The following ATL1 variants were observed in gnomAD, a reference collection of about 807,000 sequenced individuals.
ATL1 encodes atlastin GTPase 1.
Under a neutral mutation model 75.5 loss-of-function variants are expected in ATL1, and 31 were observed. The ratio of observed to expected loss-of-function variants is 0.41; its 90% CI spans 0.31 to 0.55. The LOEUF is 0.55. Among genes scored for constraint, ATL1 ranks in the 20% least tolerant of loss-of-function variants. ATL1 has a pLI of 0.27. For synonymous variants in ATL1, 226 were observed against 233.3 expected, an observed-to-expected ratio of 0.97 and a Z score of 0.28; for missense variants, 405 against 662.6, an observed-to-expected ratio of 0.61 and a Z score of 4.27.
Position 50,560,285 on chromosome 14 carries a change from A to G in ATL1, c.20A>G (p.Asp7Gly), listed in dbSNP as rs759476841. Reference sequence around the variant, plus strand: ...ACCACCATGGCCAAGAACCGCAGGGACAGAAACAGTTGGGGTGAGTAGCAA... The same window carrying G: ...ACCACCATGGCCAAGAACCGCAGGGGCAGAAACAGTTGGGGTGAGTAGCAA... MAKNRR[D>G]RNSWGGFSEK... Residue 7 changes from aspartate to glycine, a missense_variant, in exon 1 of 14, where the codon GAC (aspartate) becomes GGC (glycine). Asp to Gly is a moderately conservative substitution (Grantham distance 94, BLOSUM62 -1). This residue lies in a region of ATL1 where 126 missense variants were observed against 172.0 expected (regional missense o/e 0.73). Transcript: ENST00000358385. 10 of 1,614,042 alleles carry G rather than the reference A, an allele frequency of 6.2e-6. 1 individual carries two copies. In the South Asian group the frequency reaches 9.9e-5, roughly 16 times the overall value.
At chr14:50,555,131 T>G (rs1336383657) in intron 1 of ATL1, among the ~76,000 whole-genome samples, 1 of 152,238 alleles carries the variant, frequency 6.6e-6, no homozygotes, top group Non-Finnish European at 1.5e-5. Flanking sequence ...TATATTCACT[T>G]CTTCCCTTTT....
At chr14:50,618,929 C>T (rs2039440333) in intron 8 of ATL1, among the ~76,000 whole-genome samples, 1 of 151,786 alleles carries the variant, frequency 6.6e-6, no homozygotes, top group Admixed American at 6.6e-5. Flanking sequence ...CTTGCTCTGT[C>T]GCACAGGCTG....
intron 1 of ATL1, among the ~76,000 whole-genome samples, chr14:50,572,374 C>T (rs761421579): frequency 6.6e-6 from 1 of 152,036 alleles, no homozygotes; most frequent in Non-Finnish European, 1.5e-5. Flanking sequence ...ACTGTTCATT[C>T]AATTTCTGTT....
In ATL1 at chr14:50,620,610, G is replaced by C. The variant is rs1360619786; in HGVS notation, c.874G>C (p.Glu292Gln). ...GCTTTTACTTGTAGAAATAGATGAT[G>C]AATTCATCAAAAACTTGAAAATACT... is the stretch of plus-strand genomic sequence containing the variant. ...FDGKLKEIDD[E>Q]FIKNLKILIP... Residue 292 changes from glutamate (E) to glutamine (Q), a missense_variant, in exon 9 of 14, where the codon GAA becomes CAA. By Grantham distance (29) the Glu-to-Gln change is conservative. Transcript: ENST00000358385. The C allele has an allele frequency of 6.2e-7, 1 of 1,612,782 alleles. No individual in the cohort carries two copies. The highest frequency in any genetic ancestry group is 8.5e-7 in the Non-Finnish European group (1 of 1,179,126).
At chr14:50,559,067 T>A (rs111836604), upstream of ATL1, 45 of 152,356 alleles carry the variant, frequency 3.0e-4, 2 homozygotes, top group Admixed American at 2.4e-3. Flanking sequence ...TCTGGTATAA[T>A]GTCCTCTCTT....
At chr14:50,574,627 C>T (rs1488298726) in intron 1 of ATL1, among the ~76,000 whole-genome samples, 1 of 151,990 alleles carries the variant, frequency 6.6e-6, no homozygotes, top group Non-Finnish European at 1.5e-5. Context: ...TTTTTCTTAG[C>T]GGGAATTGTG....
chr14:50,535,822 C>A (rs1272767790), intron 1 of ATL1, among the ~76,000 whole-genome samples: 1 of 152,196 alleles, frequency 6.6e-6, no homozygotes, highest in Admixed American at 6.5e-5. Flanking sequence ...TCTGTGTCCC[C>A]ACCCAAATCT....
chr14:50,629,583 C>CAAA (rs1179543983), intron 12 of ATL1, among the ~76,000 whole-genome samples: 5 of 112,906 alleles, frequency 4.4e-5, no homozygotes, highest in Admixed American at 9.5e-5. Context: ...CTCCATCTCC[C>CAAA]AAAAAAAAAA....
chr14:50,600,063 T>C (rs554367312), intron 6 of ATL1, among the ~76,000 whole-genome samples: 1 of 152,098 alleles, frequency 6.6e-6, no homozygotes, highest in South Asian at 2.1e-4. Context: ...TTTTCTTCTC[T>C]AACTTGTTAC....
At chr14:50,570,378 T>C (rs1429898665) in intron 1 of ATL1, among the ~76,000 whole-genome samples, 2 of 152,120 alleles carry the variant, frequency 1.3e-5, no homozygotes, top group Non-Finnish European at 2.9e-5. Context: ...TTTAAGCTTC[T>C]TTTTTTCTTC....
At chr14:50,610,398 T>G (rs914490345) in intron 6 of ATL1, among the ~76,000 whole-genome samples, 6 of 152,116 alleles carry the variant, frequency 3.9e-5, no homozygotes, top group African/African-American at 1.4e-4. Context: ...TCCTGCCAAT[T>G]TGTTAATTAA....
chr14:50,582,093 C>A (rs958472445), intron 1 of ATL1, among the ~76,000 whole-genome samples: 3 of 151,764 alleles, frequency 2.0e-5, no homozygotes, highest in African/African-American at 7.3e-5. Flanking sequence ...CCAGCCTGGC[C>A]AACATGGTGA....
Position 50,632,445 on chromosome 14 carries a change from A to G in ATL1, c.*106A>G, listed in dbSNP as rs1458922007. ...TGCTTCCATCAGAACGGAGTAAAAT[A>G]CTAAACACCTCTGAAGACTGCAAAC... On this transcript the variant is annotated 3_prime_UTR_variant, in exon 14 of 14. Coordinates refer to ENST00000358385, the MANE Select transcript of ATL1 (RefSeq NM_015915.5). The G allele has an allele frequency of 1.3e-6, 1 of 788,672 alleles. No homozygotes were observed. Among genetic ancestry groups the G allele is most frequent in the African/African-American group, 1.7e-5 (1 of 58,076 alleles). The allele number at this position is 788,672 out of a possible 1,614,324, so 48.9% of individuals were successfully genotyped here. A position where few individuals can be genotyped will look rare whatever the true frequency, so the allele number is the denominator to read the frequency against.
At chr14:50,612,333 C>T (rs1269138513) in intron 6 of ATL1, among the ~76,000 whole-genome samples, 1 of 152,040 alleles carries the variant, frequency 6.6e-6, no homozygotes, top group Non-Finnish European at 1.5e-5. Context: ...GTGCTAGTTA[C>T]ACAATGTGTT....
rs142655822 is a variant in ATL1, at chr14:50,611,021, T to G, written c.631-2238T>G. ...TTCTGGACTGGGCATATGATCAAAT[T>G]GGGCCCATTCCTGGAAATTTCCTGA... On this transcript the variant is annotated intron_variant, in intron 6 of 13. Transcript: ENST00000358385. Among the ~76,000 whole-genome samples the G allele has an allele frequency of 6.5e-3, 984 of 152,118 alleles. 9 individuals carry two copies. Among genetic ancestry groups the G allele is most frequent in the African/African-American group, 0.023 (946 of 41,500 alleles).
intron 6 of ATL1, among the ~76,000 whole-genome samples, chr14:50,597,812 A>C (rs1162290226): frequency 6.6e-6 from 1 of 152,040 alleles, no homozygotes; most frequent in East Asian, 1.9e-4. Flanking sequence ...CTCCTGCCTC[A>C]GCCTCCCGAG....
intron 1 of ATL1, among the ~76,000 whole-genome samples, chr14:50,584,730 AAAAAT>A (rs902119204): frequency 4.6e-4 from 70 of 151,616 alleles, no homozygotes; most frequent in Admixed American, 2.9e-3. Context: ...TAAATAAATA[AAAAAT>A]AAAATAAAAT....
chr14:50,618,438 A>G (rs1478798240), intron 8 of ATL1, among the ~76,000 whole-genome samples: 2 of 152,234 alleles, frequency 1.3e-5, no homozygotes, highest in African/African-American at 4.8e-5. Flanking sequence ...AATTGGTACA[A>G]TGCAAACAGC....
At chr14:50,587,223 G>C (rs956180681) in intron 1 of ATL1, among the ~76,000 whole-genome samples, 2 of 131,930 alleles carry the variant, frequency 1.5e-5, no homozygotes, top group African/African-American at 2.5e-5. Context: ...TCCAAAAGTA[G>C]AGTGCTTTGC....
Sources: gnomAD v4.1 joint callset for allele counts (sites outside exome capture counted in the v4.1 genomes callset) on GRCh38, gnomAD v4.1.1 for gene constraint, gnomAD v4.1.1 regional missense constraint, MANE v1.5 for transcripts, NCBI Gene and HGNC (gene_info 2026-07-23, HGNC 2026-07-21) for gene names.